Variants in NOS1AP observed in about 807,000 individuals in gnomAD.
NOS1AP encodes the protein nitric oxide synthase 1 adaptor protein.
In NOS1AP, 21 loss-of-function variants were observed where a neutral mutation model predicts 56.2. The observed-to-expected ratio is 0.37, with a 90% CI of 0.26 to 0.54. The LOEUF (loss-of-function observed/expected upper bound fraction) is 0.54. Ranked by LOEUF, NOS1AP falls within the 20% of genes least tolerant of loss-of-function variation. NOS1AP has a pLI of 0.84. For missense variants in NOS1AP, 522 were observed against 657.8 expected (o/e 0.79, Z 2.26); for synonymous variants, 270 against 274.6 (o/e 0.98, Z 0.17).
At chr1:162,299,744 A>G (rs892324438) in intron 3 of NOS1AP, among the ~76,000 whole-genome samples, 5 of 152,136 alleles carry the variant, frequency 3.3e-5, no homozygotes, top group African/African-American at 4.8e-5. Context: ...AAATTCAGGG[A>G]TTAAATGTGG....
Position 162,287,325 on chromosome 1 carries a change from G to A in NOS1AP, c.178-19G>A, listed in dbSNP as rs776468854. The A allele has an allele frequency of 6.3e-7, 1 of 1,577,762 alleles. No homozygotes were observed. The highest frequency in any genetic ancestry group is 8.7e-7 in the Non-Finnish European group (1 of 1,147,046). ...TCTCATCAGATTGCACTTTCTTTTT[G>A]TTTTCTTCTTTCTTGCAGTATGAGT... On this transcript the variant is annotated intron_variant, in intron 2 of 9. Coordinates refer to ENST00000361897, the MANE Select transcript of NOS1AP (RefSeq NM_014697.3).
intron 1 of NOS1AP, among the ~76,000 whole-genome samples, chr1:162,130,103 G>C (rs569499830): frequency 6.6e-6 from 1 of 152,302 alleles, no homozygotes; most frequent in Non-Finnish European, 1.5e-5. Context: ...ACCATACATT[G>C]AGCTTCTGTT....
chr1:162,250,767 G>A (rs542344713), intron 2 of NOS1AP, among the ~76,000 whole-genome samples: 9 of 152,274 alleles, frequency 5.9e-5, no homozygotes, highest in East Asian at 1.9e-4. Flanking sequence ...CCTGGCATGC[G>A]AAGAGTGTGT....
intron 1 of NOS1AP, among the ~76,000 whole-genome samples, chr1:162,132,117 CATT>C (rs949597910): frequency 3.3e-5 from 5 of 152,168 alleles, no homozygotes; most frequent in Admixed American, 1.3e-4. Flanking sequence ...TGAGCTGAAA[CATT>C]ATGATCACAG....
chr1:162,091,019 G>A (rs78738556), intron 1 of NOS1AP, among the ~76,000 whole-genome samples: 3,687 of 152,174 alleles, frequency 0.024, 172 homozygotes, highest in African/African-American at 0.085. Context: ...GGTTGGTTTG[G>A]TAGTATTTCT....
intron 1 of NOS1AP, among the ~76,000 whole-genome samples, chr1:162,112,509 G>A (rs1647749426): frequency 6.6e-6 from 1 of 152,190 alleles, no homozygotes; most frequent in Non-Finnish European, 1.5e-5. Context: ...TAGACCAATG[G>A]CTCCCTGGAG....
intron 2 of NOS1AP, among the ~76,000 whole-genome samples, chr1:162,167,516 G>C (rs1252625621): frequency 1.3e-5 from 2 of 152,192 alleles, no homozygotes; most frequent in Non-Finnish European, 2.9e-5. Flanking sequence ...GCTTGGTCAG[G>C]ACTTCCTCAA....
intron 2 of NOS1AP, among the ~76,000 whole-genome samples, chr1:162,215,656 G>C (rs565254804): frequency 2.6e-5 from 4 of 152,234 alleles, no homozygotes; most frequent in African/African-American, 9.6e-5. Context: ...CTCCCAGCAG[G>C]CCCTTTAGTG....
intron 4 of NOS1AP, among the ~76,000 whole-genome samples, chr1:162,329,677 A>C (rs989396636): frequency 2.6e-5 from 4 of 152,112 alleles, no homozygotes; most frequent in African/African-American, 9.7e-5. Context: ...AAGAAAACCA[A>C]GTAATGGAGA....
chr1:162,352,770 T>C (rs1469709909), intron 6 of NOS1AP, among the ~76,000 whole-genome samples: 2 of 151,802 alleles, frequency 1.3e-5, no homozygotes, highest in East Asian at 3.9e-4. Context: ...TCTAATTACC[T>C]CCCAAAAGCT....
chr1:162,084,184 T>C (rs1691956045), intron 1 of NOS1AP, among the ~76,000 whole-genome samples: 1 of 152,218 alleles, frequency 6.6e-6, no homozygotes, highest in Non-Finnish European at 1.5e-5. Context: ...TTCTGTTGAT[T>C]GTCTTTTCTC....
chr1:162,151,296 TC>T (rs369051847), intron 1 of NOS1AP, among the ~76,000 whole-genome samples: 29 of 152,310 alleles, frequency 1.9e-4, no homozygotes, highest in African/African-American at 6.7e-4. Flanking sequence ...GTTTCCGGGT[TC>T]CCCATTCTGT....
At chr1:162,273,160 C>T (rs181081079) in intron 2 of NOS1AP, among the ~76,000 whole-genome samples, 20 of 106,196 alleles carry the variant, frequency 1.9e-4, no homozygotes, top group African/African-American at 3.1e-4. Flanking sequence ...AGCCCTTGTT[C>T]TTTTTTTTTT....
intron 8 of NOS1AP, among the ~76,000 whole-genome samples, chr1:162,358,321 C>A (rs1206657548): frequency 6.6e-6 from 1 of 152,184 alleles, no homozygotes; most frequent in Non-Finnish European, 1.5e-5. Flanking sequence ...TTGAAGAAGA[C>A]CTTCTTGTAA....
At chr1:162,091,210 T>C (rs1037487884) in intron 1 of NOS1AP, among the ~76,000 whole-genome samples, 2 of 152,222 alleles carry the variant, frequency 1.3e-5, no homozygotes, top group African/African-American at 4.8e-5. Flanking sequence ...AGTCCTGTCC[T>C]GGGCAATCAG....
At chr1:162,295,247 A>G (rs1655420456) in intron 3 of NOS1AP, among the ~76,000 whole-genome samples, 2 of 152,146 alleles carry the variant, frequency 1.3e-5, no homozygotes, top group Non-Finnish European at 2.9e-5. Context: ...ATTTCCTGGC[A>G]TATCATGGAG....
chr1:162,204,583 G>C (rs768075123), intron 2 of NOS1AP, among the ~76,000 whole-genome samples: 1 of 152,174 alleles, frequency 6.6e-6, no homozygotes, highest in Non-Finnish European at 1.5e-5. Flanking sequence ...AGGGTGTTCT[G>C]TGTCCTCTTG....
chr1:162,348,706 A>T, intron 6 of NOS1AP, among the ~76,000 whole-genome samples: 1 of 152,170 alleles, frequency 6.6e-6, no homozygotes, highest in African/African-American at 2.4e-5. Flanking sequence ...CATGGGCTGG[A>T]TATGTTAAAT....
intron 2 of NOS1AP, among the ~76,000 whole-genome samples, chr1:162,157,985 T>C (rs938742678): frequency 6.6e-6 from 1 of 152,270 alleles, no homozygotes; most frequent in Non-Finnish European, 1.5e-5. Flanking sequence ...TTTTCCTTTT[T>C]AATGTGCTTT....
Sources: allele counts gnomAD v4.1 joint callset (sites outside exome capture counted in the v4.1 genomes callset), GRCh38; gene constraint gnomAD v4.1.1; transcripts MANE v1.5; gene names NCBI Gene and HGNC (gene_info 2026-07-23, HGNC 2026-07-21).